RAD18: variants seen among roughly 807,000 people sequenced by gnomAD.
The protein encoded by RAD18 is RAD18 E3 ubiquitin protein ligase, also known as E3 ubiquitin-protein ligase RAD18.
RAD18 carries 47 observed loss-of-function variants against 60.4 expected under a neutral mutation model. That is an observed-to-expected ratio of 0.78 (90% CI 0.62 to 0.99). RAD18 has a LOEUF of 0.99. Among genes scored for constraint, RAD18 ranks in the 50% least tolerant of loss-of-function variants. The probability of loss-of-function intolerance (pLI) is 0.00; values close to 1 mark genes in which losing one functional copy is unlikely to be tolerated. For missense variants in RAD18, 640 were observed against 593.3 expected, an observed-to-expected ratio of 1.08 and a Z score of -0.82; for synonymous variants, 225 against 195.5, an observed-to-expected ratio of 1.15 and a Z score of -1.26.
chr3:8,881,256 T>G lies in RAD18; in HGVS notation c.*101A>C. 1.1e-6 allele frequency: 1 copy of G among 930,862 alleles called. No homozygotes were observed. Among genetic ancestry groups the G allele is most frequent in the Non-Finnish European group, 1.7e-6 (1 of 604,174 alleles). 57.7% of individuals were successfully genotyped at this position (930,862 alleles called of 1,614,324 possible). A position where few individuals can be genotyped will look rare whatever the true frequency, so the allele number is the denominator to read the frequency against. ...TCAGCTAACCGTAATATTTAGAATT[T>G]AGCATCTTTCCTTGGGCATTTATAA... is the stretch of plus-strand genomic sequence containing the variant. On this transcript the variant is annotated 3_prime_UTR_variant, in exon 13 of 13. Coordinates refer to ENST00000264926, the MANE Select transcript of RAD18 (RefSeq NM_020165.4).
intron 2 of RAD18, among the ~76,000 whole-genome samples, chr3:8,952,991 T>G (rs531720483): frequency 1.3e-5 from 2 of 152,162 alleles, no homozygotes; most frequent in East Asian, 3.9e-4. Flanking sequence ...TGGGAAAAGA[T>G]CAAAATTCAA....
chr3:8,941,073 C>T (rs1266915534), intron 5 of RAD18, among the ~76,000 whole-genome samples: 1 of 152,056 alleles, frequency 6.6e-6, no homozygotes, highest in Admixed American at 6.6e-5. Context: ...CTAGGTTAGG[C>T]CTCAAATTGT....
At chr3:8,888,889 A>C (rs1288700045) in intron 12 of RAD18, among the ~76,000 whole-genome samples, 1 of 152,236 alleles carries the variant, frequency 6.6e-6, no homozygotes, top group African/African-American at 2.4e-5. Flanking sequence ...TATCAAGAGC[A>C]GGCTTGGGCT....
intron 12 of RAD18, chr3:8,890,030 T>G (rs1024511639): frequency 4.1e-6 from 1 of 241,616 alleles, no homozygotes; most frequent in Admixed American, 4.8e-5. Context: ...AGAGCCCAGC[T>G]GTGTGGTGGG....
At chr3:8,898,499 C>G (rs1368228564) in intron 11 of RAD18, among the ~76,000 whole-genome samples, 1 of 152,042 alleles carries the variant, frequency 6.6e-6, no homozygotes, top group Non-Finnish European at 1.5e-5. Flanking sequence ...CCCATCTATT[C>G]TATTTACTCA....
At chr3:8,922,692 C>T (rs138819097) in intron 7 of RAD18, among the ~76,000 whole-genome samples, 15 of 152,306 alleles carry the variant, frequency 9.8e-5, no homozygotes, top group East Asian at 3.9e-4. Context: ...ACACCTCACA[C>T]GGCCAGGTAC....
intron 9 of RAD18, among the ~76,000 whole-genome samples, chr3:8,905,281 T>C (rs567291499): frequency 1.3e-5 from 2 of 152,342 alleles, no homozygotes; most frequent in Admixed American, 1.3e-4. Context: ...TACCATCCTT[T>C]GTGCCTCTCT....
chr3:8,889,440 C>T (rs1289350283), intron 12 of RAD18, among the ~76,000 whole-genome samples: 1 of 152,162 alleles, frequency 6.6e-6, no homozygotes, highest in African/African-American at 2.4e-5. Flanking sequence ...AAATGCCTAA[C>T]TTATAAGCCA....
chr3:8,896,461 A>G (rs1025023166), intron 11 of RAD18, among the ~76,000 whole-genome samples: 2 of 152,244 alleles, frequency 1.3e-5, no homozygotes, highest in East Asian at 1.9e-4. Context: ...ATCTGAATTC[A>G]GAAAACTGGC....
chr3:8,881,731 A>G (rs1395358074), intron 12 of RAD18, among the ~76,000 whole-genome samples: 3 of 152,196 alleles, frequency 2.0e-5, no homozygotes, highest in Non-Finnish European at 2.9e-5. Flanking sequence ...GAGGGCTGGG[A>G]AAAAACGGCA....
intron 9 of RAD18, among the ~76,000 whole-genome samples, 157 bp downstream of exon 9, chr3:8,912,155 G>A (rs1409431249): frequency 6.6e-6 from 1 of 152,092 alleles, no homozygotes; most frequent in East Asian, 1.9e-4. Context: ...TACAAAAAAA[G>A]TCACTAAGTA....
chr3:8,923,436 C>T (rs546302935), intron 7 of RAD18, among the ~76,000 whole-genome samples: 3 of 152,102 alleles, frequency 2.0e-5, no homozygotes, highest in Admixed American at 1.3e-4. Flanking sequence ...ATCTACGTCT[C>T]ACTGGTGTAC....
At chr3:8,908,302 GT>G (rs1440964047) in intron 9 of RAD18, among the ~76,000 whole-genome samples, 1 of 148,964 alleles carries the variant, frequency 6.7e-6, no homozygotes, top group Admixed American at 6.6e-5. Context: ...AAGTGAGAGA[GT>G]TTTTTTCCTA....
At chr3:8,925,107 T>A (rs1301879127) in intron 7 of RAD18, among the ~76,000 whole-genome samples, 1 of 151,904 alleles carries the variant, frequency 6.6e-6, no homozygotes, top group Non-Finnish European at 1.5e-5. Context: ...CTTCAAAAAA[T>A]CAATGAATCC....
chr3:8,883,986 C>A (rs1939514542), intron 12 of RAD18, among the ~76,000 whole-genome samples: 1 of 152,104 alleles, frequency 6.6e-6, no homozygotes, highest in Non-Finnish European at 1.5e-5. Flanking sequence ...AACCATTAGA[C>A]AGGCTAAGTA....
intron 2 of RAD18, among the ~76,000 whole-genome samples, chr3:8,950,784 A>T (rs961131631): frequency 2.6e-5 from 4 of 152,242 alleles, no homozygotes; most frequent in South Asian, 2.1e-4. Context: ...AGTAGACAAC[A>T]TGCAAGAACA....
rs746674909 is a variant in RAD18 at position 8,913,645 on chromosome 3, C to T, written c.965G>A (p.Ser322Asn). 1.7e-5 allele frequency: 27 copies of T among 1,548,430 alleles called. No individual in the cohort carries two copies. Among genetic ancestry groups the T allele is most frequent in the Non-Finnish European group, 2.3e-5 (26 of 1,142,062 alleles). The change falls in exon 8 of 13, where the codon AGT (serine) becomes AAT (asparagine). Residue 322 changes from serine (S) to asparagine (N), a missense_variant and splice_region_variant. Coordinates refer to ENST00000264926, the MANE Select transcript of RAD18 (RefSeq NM_020165.4). Reference protein sequence around the residue: ...MRLEASKLNESVMVFTKDQTE... With the variant: ...MRLEASKLNENVMVFTKDQTE... Reference sequence around the variant, plus strand: ...TACTGAAATAGCCCATTAACATACACTTTCATTGAGTTTACTAGCTTCAAG... The same window carrying T: ...TACTGAAATAGCCCATTAACATACATTTTCATTGAGTTTACTAGCTTCAAG...
At chr3:8,898,252 T>C (rs1939828862) in intron 11 of RAD18, among the ~76,000 whole-genome samples, 1 of 152,072 alleles carries the variant, frequency 6.6e-6, no homozygotes, top group South Asian at 2.1e-4. Context: ...ATTATAAACA[T>C]AAGCTATTAT....
rs182507031 is a variant in RAD18 at position 8,922,225 on chromosome 3, G to C, written c.890-8505C>G. On this transcript the variant is annotated intron_variant, in intron 7 of 12. Coordinates refer to ENST00000264926, the MANE Select transcript of RAD18 (RefSeq NM_020165.4). ...ATGACAGATGGCACCTGGAAAATTG[G>C]GTCACTCCCACCCTACTACTGCACT... is the stretch of plus-strand genomic sequence containing the variant. 2.1e-3 allele frequency among the ~76,000 whole-genome samples: 325 copies of C among 152,310 alleles called. 4 individuals are homozygous for C. The highest frequency in any genetic ancestry group is 7.6e-3 in the African/African-American group (314 of 41,582).
Sources: allele counts gnomAD v4.1 joint callset (sites outside exome capture counted in the v4.1 genomes callset), GRCh38; gene constraint gnomAD v4.1.1; transcripts MANE v1.5; gene names NCBI Gene and HGNC (gene_info 2026-07-23, HGNC 2026-07-21).